Variants in SEC23IP observed in about 807,000 individuals in gnomAD.
The protein encoded by SEC23IP is SEC23-interacting protein.
A neutral mutation model predicts 113.4 loss-of-function variants in SEC23IP; 70 were observed. That is an observed-to-expected ratio of 0.62 (90% CI 0.51 to 0.75). SEC23IP has a LOEUF of 0.75. Among genes scored for constraint, SEC23IP ranks in the 30% least tolerant of loss-of-function variants. The pLI is 0.00. For synonymous variants in SEC23IP, 398 were observed against 421.0 expected (o/e 0.95, Z 0.67); for missense variants, 1,160 against 1,204.9 (o/e 0.96, Z 0.55).
intron 15 of SEC23IP, among the ~76,000 whole-genome samples, chr10:119,930,681 C>T (rs1402711662): frequency 6.6e-6 from 1 of 152,080 alleles, no homozygotes; most frequent in Non-Finnish European, 1.5e-5. Flanking sequence ...CAATAAGATG[C>T]ATAATTAGAT....
chr10:119,927,287 T>C (rs576163864), intron 13 of SEC23IP, among the ~76,000 whole-genome samples: 2 of 152,316 alleles, frequency 1.3e-5, no homozygotes, highest in African/African-American at 2.4e-5. Context: ...TCCTTATTAT[T>C]GAAGGTATTA....
At chr10:119,929,410 A>G (rs1438299578) in intron 13 of SEC23IP, among the ~76,000 whole-genome samples, 197 bp from the exon 14 acceptor site, 1 of 151,938 alleles carries the variant, frequency 6.6e-6, no homozygotes, top group Admixed American at 6.6e-5. Context: ...ATTGTTTTAT[A>G]TTTTTAGTAG....
chr10:119,907,197 G>A (rs994903144), intron 4 of SEC23IP, among the ~76,000 whole-genome samples: 8 of 151,970 alleles, frequency 5.3e-5, no homozygotes, highest in Non-Finnish European at 1.2e-4. Context: ...TCAGGAGGCT[G>A]AGGCAGGAGT....
rs182357762 is a variant in SEC23IP at position 119,933,162 on chromosome 10, C to T, written c.2916C>T (p.Cys972=). ...EYLFALQSHL[C]YWESEDTALL... The stretch of plus-strand genomic sequence containing the variant: ...TTTTCGCTCTTCAGAGTCACTTATG[C>T]TATTGGTAAGTGTTCTTAAATTTGG... The change falls in exon 17 of 19, where the codon TGC becomes TGT. Residue 972 remains cysteine, a synonymous_variant. Transcript: ENST00000369075. 3 of 1,613,290 alleles carry T rather than the reference C, an allele frequency of 1.9e-6. No individual in the cohort carries two copies. The highest frequency in any genetic ancestry group is 2.7e-5 in the African/African-American group (2 of 75,020).
At position 119,898,607 on chromosome 10, in the gene SEC23IP, A is replaced by AGCCCCT; in HGVS notation, c.346_351dup (p.Pro116_Leu117dup). 1 of 1,614,246 alleles carries AGCCCCT rather than the reference A, an allele frequency of 6.2e-7. No homozygotes were observed. Among genetic ancestry groups the AGCCCCT allele is most frequent in the African/African-American group, 1.3e-5 (1 of 75,068 alleles). The stretch of plus-strand genomic sequence containing the variant: ...TCAGTTGGACAATCAGGATTCCCCA[A>AGCCCCT]GCCCCTGACTGCTCTCCCTTTTACA... On this transcript the variant is annotated inframe_insertion, in exon 2 of 19. Transcript: ENST00000369075.
At chr10:119,896,614 T>C in intron 1 of SEC23IP, among the ~76,000 whole-genome samples, 1 of 152,178 alleles carries the variant, frequency 6.6e-6, no homozygotes, top group East Asian at 1.9e-4. Flanking sequence ...GTTAAAGTTG[T>C]GGCTTTAGAT....
rs752544844 is a variant in SEC23IP, at chr10:119,892,751, C to A, written c.-32C>A. On this transcript the variant is annotated 5_prime_UTR_variant, in exon 1 of 19. Transcript: ENST00000369075. ...GGTCAGTGGTGTGGTACCGGGTACC[C>A]GGAGACGTGTATCGGACGGTGGGCC... 6.3e-7 allele frequency: 1 copy of A among 1,580,126 alleles called. No homozygotes were observed. The highest frequency in any genetic ancestry group is 8.6e-7 in the Non-Finnish European group (1 of 1,161,940).
chr10:119,893,307 A>G (rs879363414), intron 1 of SEC23IP, among the ~76,000 whole-genome samples: 3 of 152,052 alleles, frequency 2.0e-5, no homozygotes, highest in African/African-American at 7.2e-5. Flanking sequence ...GTCTCCCACT[A>G]GGAGACTCCT....
intron 2 of SEC23IP, 44 bp from the exon 3 acceptor site, chr10:119,902,755 C>A: frequency 6.6e-7 from 1 of 1,520,368 alleles, no homozygotes; most frequent in Non-Finnish European, 9.1e-7. Context: ...ATTCAGAATT[C>A]TTTTGGACAA....
At chr10:119,926,291 G>A in intron 13 of SEC23IP, 64 bp downstream of exon 13, 1 of 1,440,688 alleles carries the variant, frequency 6.9e-7, no homozygotes, top group Non-Finnish European at 9.4e-7. Context: ...TATCATTTGG[G>A]TTGGCTTTAA....
At chr10:119,940,048 A>G (rs1255323559) in intron 18 of SEC23IP, among the ~76,000 whole-genome samples, 1 of 152,050 alleles carries the variant, frequency 6.6e-6, no homozygotes, top group African/African-American at 2.4e-5. Context: ...TTTGCTATGA[A>G]GAAATCATGC....
At chr10:119,923,228 T>C (rs1855307020) in intron 12 of SEC23IP, among the ~76,000 whole-genome samples, 1 of 152,126 alleles carries the variant, frequency 6.6e-6, no homozygotes, top group South Asian at 2.1e-4. Context: ...AGTGATCTTA[T>C]TTTTTAAATT....
At chr10:119,922,802 C>T (rs1855289930) in intron 12 of SEC23IP, among the ~76,000 whole-genome samples, 1 of 151,968 alleles carries the variant, frequency 6.6e-6, no homozygotes, top group Admixed American at 6.6e-5. Flanking sequence ...TCTGTAATTC[C>T]AATTTACAAA....
In SEC23IP at chr10:119,902,862, G is replaced by A. The variant is rs142266445; in HGVS notation, c.760G>A (p.Val254Ile). ...QVPARPGAPS[V>I]QVPSPFLLQN... The stretch of plus-strand genomic sequence containing the variant: ...ACCTGCCAGACCTGGGGCTCCCTCT[G>A]TTCAAGTGCCATCTCCTTTTCTACT... Residue 254 changes from valine to isoleucine, a missense_variant, in exon 3 of 19, where the codon GTT becomes ATT. Physicochemically the swap from Val to Ile is conservative, Grantham distance 29. Coordinates refer to ENST00000369075, the MANE Select transcript of SEC23IP (RefSeq NM_007190.4). The A allele has an allele frequency of 1.8e-5, 29 of 1,614,036 alleles. No individual in the cohort carries two copies. The highest frequency in any genetic ancestry group is 2.3e-5 in the Non-Finnish European group (27 of 1,180,036).
chr10:119,904,005 C>A, intron 3 of SEC23IP, 79 bp from the exon 4 acceptor site: 2 of 1,459,442 alleles, frequency 1.4e-6, no homozygotes, highest in Non-Finnish European at 1.9e-6. Context: ...CAGGCATGAG[C>A]CACTGCGCCC....
chr10:119,896,573 A>G (rs1854290649), intron 1 of SEC23IP, among the ~76,000 whole-genome samples: 1 of 152,174 alleles, frequency 6.6e-6, no homozygotes, highest in East Asian at 1.9e-4. Flanking sequence ...CTTACGATGG[A>G]GTTGGGAGTG....
intron 13 of SEC23IP, among the ~76,000 whole-genome samples, chr10:119,928,401 G>A (rs772051509): frequency 1.3e-5 from 2 of 151,962 alleles, no homozygotes; most frequent in African/African-American, 2.4e-5. Context: ...CAAAACTGTC[G>A]AATTTGCAAA....
chr10:119,938,801 C>T (rs1159732013), intron 18 of SEC23IP, among the ~76,000 whole-genome samples: 4 of 152,232 alleles, frequency 2.6e-5, no homozygotes, highest in South Asian at 2.1e-4. Context: ...ACATATGATT[C>T]GTTCACTATA....
chr10:119,941,908 A>T lies in SEC23IP; in HGVS notation c.*1343A>T, dbSNP rs1855977781. On this transcript the variant is annotated 3_prime_UTR_variant, in exon 19 of 19. Transcript: ENST00000369075. ...CTGTAATTGACTCCAGACAACATAG[A>T]TTTCAGCCACCTCATTCTACAGCTG... 6.6e-6 allele frequency: 1 copy of T among 152,386 alleles called. No individual in the cohort carries two copies. Among genetic ancestry groups the T allele is most frequent in the South Asian group, 2.1e-4 (1 of 4,828 alleles). 9.4% of individuals were successfully genotyped at this position (152,386 alleles called of 1,614,324 possible). A position where few individuals can be genotyped will look rare whatever the true frequency, so the allele number is the denominator to read the frequency against.
Sources: allele counts gnomAD v4.1 joint callset (sites outside exome capture counted in the v4.1 genomes callset), GRCh38; gene constraint gnomAD v4.1.1; transcripts MANE v1.5; gene names NCBI Gene and HGNC (gene_info 2026-07-23, HGNC 2026-07-21).